Variants in SF3B3 observed in about 807,000 individuals in gnomAD.
The protein encoded by SF3B3 is splicing factor 3b subunit 3, also known as SAP 130.
A neutral mutation model predicts 139.2 loss-of-function variants in SF3B3; 33 were observed. The ratio of observed to expected loss-of-function variants is 0.24; its 90% CI spans 0.18 to 0.32. The LOEUF is 0.32. Ranked by LOEUF, SF3B3 falls within the 10% of genes least tolerant of loss-of-function variation. The pLI, the probability that SF3B3 is intolerant of heterozygous loss-of-function variation, is 1.00. For synonymous variants in SF3B3, 596 were observed against 563.6 expected (o/e 1.06, Z -0.81); for missense variants, 818 against 1,509.4 (o/e 0.54, Z 7.59).
At chr16:70,533,754 A>T (rs2050142535) in intron 5 of SF3B3, among the ~76,000 whole-genome samples, 2 of 152,214 alleles carry the variant, frequency 1.3e-5, no homozygotes, top group Non-Finnish European at 2.9e-5. Context: ...CTAAAATAAG[A>T]TGTTGTTTGG....
At chr16:70,555,271 A>G in intron 13 of SF3B3, 65 bp downstream of exon 13, 1 of 1,419,040 alleles carries the variant, frequency 7.0e-7, no homozygotes, top group Non-Finnish European at 9.9e-7. Flanking sequence ...TGGGCATTGT[A>G]GTCTAGTCAT....
intron 9 of SF3B3, among the ~76,000 whole-genome samples, chr16:70,543,329 G>C (rs1484336712): frequency 1.3e-5 from 2 of 151,494 alleles, no homozygotes; most frequent in Non-Finnish European, 2.9e-5. Flanking sequence ...AGAATCGCTT[G>C]AACTTGGGAG....
At position 70,569,102 on chromosome 16, in the gene SF3B3, C is replaced by G; in HGVS notation, c.3225C>G (p.Ala1075=). The change falls in exon 23 of 26, where the codon GCC becomes GCG. Residue 1075 remains alanine (A), a synonymous_variant. Coordinates refer to ENST00000302516, the MANE Select transcript of SF3B3 (RefSeq NM_012426.5). ...ATGAGGATCCTACAGGAAACAAAGCCCTGTGGGACCGTGGCTTGCTCAATG... is the reference window on the plus strand; with the variant it reads ...ATGAGGATCCTACAGGAAACAAAGCGCTGTGGGACCGTGGCTTGCTCAATG... ...EVDEDPTGNK[A]LWDRGLLNGA... The G allele has an allele frequency of 6.2e-7, 1 of 1,611,942 alleles. No homozygotes were observed. The highest frequency in any genetic ancestry group is 1.3e-5 in the African/African-American group (1 of 75,012).
chr16:70,538,603 G>A, intron 7 of SF3B3, 143 bp downstream of exon 7: 1 of 664,496 alleles, frequency 1.5e-6, no homozygotes. Context: ...TTTCTCTCTG[G>A]TTATCAGATT....
chr16:70,537,828 A>C (rs991333503), intron 6 of SF3B3, among the ~76,000 whole-genome samples: 1 of 152,204 alleles, frequency 6.6e-6, no homozygotes, highest in African/African-American at 2.4e-5. Flanking sequence ...ATCCCCAGCT[A>C]CTTGAGAGGC....
At chr16:70,567,980 C>T (rs977463107) in intron 21 of SF3B3, among the ~76,000 whole-genome samples, 3 of 152,342 alleles carry the variant, frequency 2.0e-5, no homozygotes, top group Non-Finnish European at 4.4e-5. Flanking sequence ...GCCACCGCAC[C>T]GGCCCTTGAG....
intron 5 of SF3B3, among the ~76,000 whole-genome samples, chr16:70,533,597 C>A (rs933965299): frequency 6.6e-6 from 1 of 152,180 alleles, no homozygotes. Context: ...GGTTGGAAAT[C>A]AGTTCACCAT....
chr16:70,536,290 C>T (rs1597708482), intron 6 of SF3B3, among the ~76,000 whole-genome samples: 4 of 152,140 alleles, frequency 2.6e-5, no homozygotes, highest in Middle Eastern at 6.8e-3. Context: ...ACCTCAGCCT[C>T]CCATGTAGCC....
rs373672797 is a variant in SF3B3 at position 70,540,740 on chromosome 16, AAAAG to A, written c.1068-921_1068-918del. ...TTTAGAAAATTCATGTTTAAAAAAA[AAAAG>A]AAAGAAAAAGATTCATGTTTTGGTA... On this transcript the variant is annotated intron_variant, in intron 8 of 25. Transcript: ENST00000302516. 1.2e-3 allele frequency among the ~76,000 whole-genome samples: 187 copies of A among 152,206 alleles called. 1 individual carries two copies. The highest frequency in any genetic ancestry group is 6.8e-3 in the Middle Eastern group (2 of 294).
rs1264425388 is a variant in SF3B3 at position 70,573,772 on chromosome 16, AG to A, written c.*1960del. On this transcript the variant is annotated 3_prime_UTR_variant, in exon 26 of 26. Coordinates refer to ENST00000302516, the MANE Select transcript of SF3B3 (RefSeq NM_012426.5). Reference sequence around the variant, plus strand: ...TCAGAGGCTGCTGCAGAACTCAGACAGAGGGATCTGCCCTTGGGTTTGCTTC... The same window carrying A: ...TCAGAGGCTGCTGCAGAACTCAGACAAGGGATCTGCCCTTGGGTTTGCTTC... 5 of 152,248 alleles carry A rather than the reference AG, an allele frequency of 3.3e-5. No homozygotes were observed. Among genetic ancestry groups the A allele is most frequent in the African/African-American group, 1.2e-4 (5 of 41,468 alleles). 9.4% of individuals were successfully genotyped at this position (152,248 alleles called of 1,614,324 possible).
intron 2 of SF3B3, among the ~76,000 whole-genome samples, chr16:70,528,595 G>A (rs1007062647): frequency 6.6e-6 from 1 of 151,362 alleles, no homozygotes; most frequent in Non-Finnish European, 1.5e-5. Context: ...ACGTAGCTGG[G>A]ACTAGAGGCA....
At chr16:70,536,808 T>G (rs2151779455) in intron 6 of SF3B3, among the ~76,000 whole-genome samples, 1 of 47,792 alleles carries the variant, frequency 2.1e-5, no homozygotes, top group East Asian at 1.1e-3. Flanking sequence ...ATTTTCTTTC[T>G]TTTTTTTTTT....
At chr16:70,559,834 C>CTCAAGCAGTCGTCCTTCCTTGGCT (rs1189475455) in intron 15 of SF3B3, among the ~76,000 whole-genome samples, 3 of 151,518 alleles carry the variant, frequency 2.0e-5, no homozygotes, top group Non-Finnish European at 4.4e-5. Context: ...AGCTCTTGGC[C>CTCAAGCAGTCGTCCTTCCTTGGCT]TCAAGCAGTC....
At chr16:70,527,751 TTTTGTTTTTTG>T (rs2050078257) in intron 2 of SF3B3, among the ~76,000 whole-genome samples, 1 of 152,050 alleles carries the variant, frequency 6.6e-6, no homozygotes, top group African/African-American at 2.4e-5. Context: ...TTTGTTTTGT[TTTTGTTTTTTG>T]TTTGTTTTGT....
At chr16:70,550,657 G>A in intron 11 of SF3B3, 7 of 985,772 alleles carry the variant, frequency 7.1e-6, no homozygotes, top group Non-Finnish European at 8.4e-6. Context: ...CAGGTGGCTG[G>A]TGAAGGTGCT....
In SF3B3 at chr16:70,575,398, C is replaced by T. The variant is rs1199379547; in HGVS notation, c.*3585C>T. On this transcript the variant is annotated 3_prime_UTR_variant, in exon 26 of 26. Transcript: ENST00000302516. ...ATTTTTAGTAGAGATGGGGTTTCAC[C>T]ATGTTGGCCAGGCTGGTTTCGAACT... is the stretch of plus-strand genomic sequence containing the variant. The T allele has an allele frequency of 6.6e-6, 1 of 151,908 alleles. No homozygotes were observed. The highest frequency in any genetic ancestry group is 1.5e-5 in the Non-Finnish European group (1 of 68,028). The allele number at this position is 151,908 out of a possible 1,614,324, so 9.4% of individuals were successfully genotyped here.
Position 70,529,036 on chromosome 16 carries a change from T to C in SF3B3, c.234T>C (p.Ile78=), listed in dbSNP as rs779478492. The C allele has an allele frequency of 6.2e-7, 1 of 1,614,184 alleles. No individual in the cohort carries two copies. The highest frequency in any genetic ancestry group is 1.7e-5 in the Admixed American group (1 of 60,022). Residue 78 remains isoleucine (I), a synonymous_variant, in exon 3 of 26, where the codon ATT becomes ATC. Transcript: ENST00000302516. ...TGACAGGTGGCACCAAAGACTACAT[T>C]GTAGTTGGCAGTGACTCTGGTCGAA... The part of the protein sequence containing the change: ...FRLTGGTKDY[I]VVGSDSGRIV...
Position 70,526,696 on chromosome 16 carries a change from A to G in SF3B3, c.40A>G (p.Ile14Val), listed in dbSNP as rs2050067737. The change falls in exon 2 of 26, where the codon ATC becomes GTC. Residue 14 changes from isoleucine to valine, a missense_variant. By Grantham distance (29) the Ile-to-Val change is conservative. Around this residue, in one of 14 missense-constraint regions of SF3B3, gnomAD observed 144 missense variants for 259.2 expected, o/e 0.56. Transcript: ENST00000302516. Reference sequence around the variant, plus strand: ...CTTAACCTTGCAGAGAGCCACTGGCATCAGCTTTGCCATTCATGGAAACTT... The same window carrying G: ...CTTAACCTTGCAGAGAGCCACTGGCGTCAGCTTTGCCATTCATGGAAACTT... ...YNLTLQRATG[I>V]SFAIHGNFSG... 1.2e-6 allele frequency: 2 copies of G among 1,614,160 alleles called. No individual in the cohort carries two copies. Among genetic ancestry groups the G allele is most frequent in the Non-Finnish European group, 1.7e-6 (2 of 1,179,996 alleles).
chr16:70,574,034 T>C lies in SF3B3; in HGVS notation c.*2221T>C, dbSNP rs2050553854. On this transcript the variant is annotated 3_prime_UTR_variant, in exon 26 of 26. Coordinates refer to ENST00000302516, the MANE Select transcript of SF3B3 (RefSeq NM_012426.5). ...AGCTGCCGGCGCTGGAAAAGGCTCG[T>C]CTCACAGGGAGAGTGCTGGTCCCCA... 6.6e-6 allele frequency: 1 copy of C among 152,176 alleles called. No individual in the cohort carries two copies. The highest frequency in any genetic ancestry group is 1.5e-5 in the Non-Finnish European group (1 of 68,042). The allele number at this position is 152,176 out of a possible 1,614,324, so 9.4% of individuals were successfully genotyped here.
Sources: gnomAD v4.1 joint callset for allele counts (sites outside exome capture counted in the v4.1 genomes callset) on GRCh38, gnomAD v4.1.1 for gene constraint, gnomAD v4.1.1 regional missense constraint, MANE v1.5 for transcripts, NCBI Gene and HGNC (gene_info 2026-07-23, HGNC 2026-07-21) for gene names.